The following PTPRG variants were observed in gnomAD, a reference collection of about 807,000 sequenced individuals.
The protein encoded by PTPRG is protein tyrosine phosphatase receptor type G.
Under a neutral mutation model 165.3 loss-of-function variants are expected in PTPRG, and 102 were observed. The observed-to-expected ratio is 0.62, with a 90% CI of 0.53 to 0.73. The LOEUF (loss-of-function observed/expected upper bound fraction) is 0.73. Among genes scored for constraint, PTPRG ranks in the 30% least tolerant of loss-of-function variants. The pLI is 0.00. For synonymous variants in PTPRG, 675 were observed against 669.5 expected, an observed-to-expected ratio of 1.01 and a Z score of -0.13; for missense variants, 1,866 against 1,861.4, an observed-to-expected ratio of 1.00 and a Z score of -0.05.
At chr3:61,726,618 C>G (rs967442026) in intron 1 of PTPRG, among the ~76,000 whole-genome samples, 1 of 152,106 alleles carries the variant, frequency 6.6e-6, no homozygotes, top group Admixed American at 6.5e-5. Context: ...ATGCATGCCC[C>G]CTAAATTGCC....
At chr3:61,972,975 GT>G (rs1362197168) in intron 2 of PTPRG, among the ~76,000 whole-genome samples, 1 of 152,016 alleles carries the variant, frequency 6.6e-6, no homozygotes, top group Non-Finnish European at 1.5e-5. Context: ...TTTTGTGAAT[GT>G]ACAACCAAGA....
chr3:61,800,801 G>A (rs1473065216), intron 2 of PTPRG, among the ~76,000 whole-genome samples: 5 of 151,734 alleles, frequency 3.3e-5, no homozygotes, highest in East Asian at 1.9e-4. Context: ...CCGCCACCAC[G>A]CCCAGCTAAT....
intron 1 of PTPRG, among the ~76,000 whole-genome samples, chr3:61,609,360 T>TA (rs1253424005): frequency 6.6e-6 from 1 of 152,154 alleles, no homozygotes; most frequent in Non-Finnish European, 1.5e-5. Flanking sequence ...TTGGGGAACT[T>TA]TATATATGTT....
At chr3:62,161,256 T>C (rs912477549) in intron 7 of PTPRG, among the ~76,000 whole-genome samples, 1 of 152,236 alleles carries the variant, frequency 6.6e-6, no homozygotes, top group South Asian at 2.1e-4. Context: ...TTGTTGCAGG[T>C]ATTAAATGAT....
intron 4 of PTPRG, among the ~76,000 whole-genome samples, chr3:62,051,782 G>A (rs1352360480): frequency 6.6e-6 from 1 of 152,200 alleles, no homozygotes; most frequent in Non-Finnish European, 1.5e-5. Flanking sequence ...GTTGCAGCCG[G>A]CGCCCTCATG....
At chr3:61,795,363 C>G (rs2035011895) in intron 2 of PTPRG, among the ~76,000 whole-genome samples, 1 of 152,012 alleles carries the variant, frequency 6.6e-6, no homozygotes, top group African/African-American at 2.4e-5. Flanking sequence ...CGGGAATAGG[C>G]CGGGCATGAT....
chr3:62,221,400 A>C (rs1380031654), intron 13 of PTPRG, among the ~76,000 whole-genome samples: 1 of 152,190 alleles, frequency 6.6e-6, no homozygotes, highest in African/African-American at 2.4e-5. Context: ...AGTAAAATTA[A>C]ATTAGTGTTA....
At chr3:61,589,584 C>CA (rs1195973732) in intron 1 of PTPRG, among the ~76,000 whole-genome samples, 43 of 152,064 alleles carry the variant, frequency 2.8e-4, no homozygotes, top group African/African-American at 1.0e-3. Flanking sequence ...GTTGGTGACT[C>CA]AAAGTCATTC....
Position 61,738,326 on chromosome 3 carries a change from A to ATG in PTPRG, c.86-10551_86-10550insGT, listed in dbSNP as rs374632240. Reference sequence around the variant, plus strand: ...TATATATATATACATATATATATATATATATATATATGTATATATATATAT... The same window carrying ATG: ...TATATATATATACATATATATATATATGTATATATATATGTATATATATATAT... On this transcript the variant is annotated intron_variant, in intron 1 of 29. Coordinates refer to ENST00000474889, the MANE Select transcript of PTPRG (RefSeq NM_002841.4). 7.8e-4 allele frequency among the ~76,000 whole-genome samples: 86 copies of ATG among 110,704 alleles called. 13 individuals carry two copies. The highest frequency in any genetic ancestry group is 2.8e-3 in the African/African-American group (82 of 29,770). 72.6% of individuals were successfully genotyped at this position (110,704 alleles called of 152,430 possible).
intron 1 of PTPRG, among the ~76,000 whole-genome samples, chr3:61,653,426 C>A (rs972261114): frequency 2.0e-5 from 3 of 151,374 alleles, no homozygotes; most frequent in Non-Finnish European, 2.9e-5. Flanking sequence ...CCAGTGTCTA[C>A]TTTTCTGTCA....
intron 2 of PTPRG, among the ~76,000 whole-genome samples, chr3:61,937,599 A>G (rs1350524631): frequency 6.6e-6 from 1 of 152,258 alleles, no homozygotes; most frequent in Non-Finnish European, 1.5e-5. Flanking sequence ...AGCTGAAGCC[A>G]TCATACTTCA....
intron 13 of PTPRG, among the ~76,000 whole-genome samples, chr3:62,230,932 CTG>C (rs1700888301): frequency 6.6e-6 from 1 of 152,168 alleles, no homozygotes; most frequent in South Asian, 2.1e-4. Flanking sequence ...AGGGTCATCA[CTG>C]TGTTTGTGAT....
chr3:61,642,130 C>T (rs1024189813), intron 1 of PTPRG, among the ~76,000 whole-genome samples: 5 of 152,184 alleles, frequency 3.3e-5, no homozygotes, highest in African/African-American at 9.7e-5. Flanking sequence ...AGCCCTGATG[C>T]TGACCCCGAG....
intron 2 of PTPRG, among the ~76,000 whole-genome samples, chr3:61,881,487 G>A (rs1253202430): frequency 6.6e-6 from 1 of 152,132 alleles, no homozygotes; most frequent in East Asian, 1.9e-4. Flanking sequence ...TGTGCTGGAC[G>A]CTGTTTAGGG....
At chr3:61,776,150 C>T (rs1211408305) in intron 2 of PTPRG, among the ~76,000 whole-genome samples, 2 of 151,324 alleles carry the variant, frequency 1.3e-5, no homozygotes, top group African/African-American at 4.9e-5. Flanking sequence ...TTGGTCTGAC[C>T]CCTCCCACAT....
chr3:61,820,480 C>A (rs2035917851), intron 2 of PTPRG, among the ~76,000 whole-genome samples: 1 of 152,140 alleles, frequency 6.6e-6, no homozygotes, highest in South Asian at 2.1e-4. Context: ...CCCTCGCAGA[C>A]CCACTAAGAG....
intron 2 of PTPRG, among the ~76,000 whole-genome samples, chr3:61,954,648 T>A (rs2039993022): frequency 1.3e-5 from 2 of 152,206 alleles, no homozygotes; most frequent in Admixed American, 1.3e-4. Flanking sequence ...GGGGAGAATT[T>A]AAGGTGAAGA....
intron 1 of PTPRG, among the ~76,000 whole-genome samples, chr3:61,598,708 A>G (rs906276647): frequency 6.6e-6 from 1 of 152,154 alleles, no homozygotes; most frequent in Admixed American, 6.5e-5. Flanking sequence ...AACAATGGCA[A>G]TGTATTGTTT....
chr3:62,272,609 C>T (rs1702102380), intron 21 of PTPRG, among the ~76,000 whole-genome samples: 1 of 152,026 alleles, frequency 6.6e-6, no homozygotes, highest in Non-Finnish European at 1.5e-5. Flanking sequence ...TTTGGGAGGC[C>T]AAAGTGGGCA....
Sources: allele counts gnomAD v4.1 joint callset (sites outside exome capture counted in the v4.1 genomes callset), GRCh38; gene constraint gnomAD v4.1.1; transcripts MANE v1.5; gene names NCBI Gene and HGNC (gene_info 2026-07-23, HGNC 2026-07-21).